CLNK: variants seen among roughly 807,000 people sequenced by gnomAD.
CLNK encodes cytokine dependent hematopoietic cell linker, also known as cytokine-dependent hematopoietic cell linker.
In CLNK, 74 loss-of-function variants were observed where a neutral mutation model predicts 68.6. That is an observed-to-expected ratio of 1.08 (90% CI 0.89 to 1.31). CLNK has a LOEUF of 1.31. Ranked by LOEUF, CLNK falls within the 50% of genes most tolerant of loss-of-function variation. The pLI is 0.00. For synonymous variants in CLNK, 198 were observed against 172.2 expected (o/e 1.15, Z -1.17); for missense variants, 553 against 515.3 (o/e 1.07, Z -0.71).
At chr4:10,645,611 T>C (rs1723476067) in intron 2 of CLNK, among the ~76,000 whole-genome samples, 1 of 152,094 alleles carries the variant, frequency 6.6e-6, no homozygotes. Context: ...CCATAATATA[T>C]GTACCAGGTA....
intron 8 of CLNK, among the ~76,000 whole-genome samples, chr4:10,553,457 AT>A (rs112540905): frequency 0.053 from 7,849 of 149,212 alleles, 245 homozygotes; most frequent in Middle Eastern, 0.1. Flanking sequence ...TTTTTATTTT[AT>A]TTTTTTTTTC....
chr4:10,618,376 T>A (rs559238674), intron 2 of CLNK, among the ~76,000 whole-genome samples: 3 of 152,286 alleles, frequency 2.0e-5, no homozygotes, highest in East Asian at 3.9e-4. Flanking sequence ...GGTGGGGGAC[T>A]GGGATCAACC....
chr4:10,584,215 T>C (rs1720891319), intron 4 of CLNK, among the ~76,000 whole-genome samples: 1 of 152,200 alleles, frequency 6.6e-6, no homozygotes, highest in South Asian at 2.1e-4. Context: ...ACATGCTGAG[T>C]GCTGGTTTTG....
the CLNK span, among the ~76,000 whole-genome samples, chr4:10,705,873 G>T: frequency 1.3e-5 from 2 of 152,192 alleles, no homozygotes; most frequent in Admixed American, 6.5e-5. Context: ...ATCTAAATCG[G>T]GTAAAGAGCA....
intron 2 of CLNK, among the ~76,000 whole-genome samples, chr4:10,657,846 A>T (rs1331430162): frequency 1.3e-5 from 2 of 152,224 alleles, no homozygotes; most frequent in Non-Finnish European, 2.9e-5. Flanking sequence ...GATATGAAAA[A>T]TCAAATTCCA....
intron 4 of CLNK, among the ~76,000 whole-genome samples, chr4:10,575,486 G>A (rs545763709): frequency 6.6e-6 from 1 of 152,374 alleles, no homozygotes; most frequent in Admixed American, 6.5e-5. Flanking sequence ...CTCCAGCGCT[G>A]TTCCTCACCA....
At chr4:10,565,894 TG>T in intron 6 of CLNK, 114 bp downstream of exon 6, 5 of 1,115,026 alleles carry the variant, frequency 4.5e-6, no homozygotes, top group Non-Finnish European at 5.0e-6. Flanking sequence ...TAGTAAGTCA[TG>T]GGGGCAGACG....
chr4:10,622,492 G>C (rs1246500040), intron 2 of CLNK, among the ~76,000 whole-genome samples: 9 of 152,218 alleles, frequency 5.9e-5, no homozygotes, highest in African/African-American at 1.9e-4. Context: ...TGAAAGCCCT[G>C]ACCAAGGAAA....
chr4:10,672,093 C>A (rs1158342021), intron 1 of CLNK, among the ~76,000 whole-genome samples: 2 of 152,124 alleles, frequency 1.3e-5, no homozygotes, highest in South Asian at 4.2e-4. Flanking sequence ...CCTAAAAAAA[C>A]CACCTAAAGT....
intron 2 of CLNK, among the ~76,000 whole-genome samples, chr4:10,616,241 G>A (rs756204306): frequency 2.0e-5 from 3 of 152,138 alleles, no homozygotes; most frequent in Admixed American, 1.3e-4. Context: ...GCAGCTGGAC[G>A]TTGGCCATAG....
chr4:10,558,242 A>G (rs1346012535), intron 8 of CLNK, among the ~76,000 whole-genome samples, 165 bp downstream of exon 8: 1 of 152,240 alleles, frequency 6.6e-6, no homozygotes, highest in Non-Finnish European at 1.5e-5. Flanking sequence ...GGCATAAAGT[A>G]TGTGAGACTC....
intron 1 of CLNK, among the ~76,000 whole-genome samples, chr4:10,675,010 CA>C (rs1369470165): frequency 6.6e-6 from 1 of 151,978 alleles, no homozygotes; most frequent in Non-Finnish European, 1.5e-5. Context: ...AGCATTAGGA[CA>C]AATACCTAAT....
chr4:10,635,497 T>C (rs905447122), intron 2 of CLNK, among the ~76,000 whole-genome samples: 1 of 152,132 alleles, frequency 6.6e-6, no homozygotes, highest in Non-Finnish European at 1.5e-5. Flanking sequence ...CCCAGTGATA[T>C]ATACTTAGAT....
chr4:10,493,133 A>G (rs550334856), intron 18 of CLNK, among the ~76,000 whole-genome samples: 1 of 152,326 alleles, frequency 6.6e-6, no homozygotes, highest in East Asian at 1.9e-4. Flanking sequence ...CCTGGCCAAC[A>G]TAGTGAAATC....
At chr4:10,711,503 C>A in the CLNK span, among the ~76,000 whole-genome samples, 1 of 152,120 alleles carries the variant, frequency 6.6e-6, no homozygotes, top group Non-Finnish European at 1.5e-5. Flanking sequence ...GTCTTAGAAA[C>A]ACATAGTGTT....
the CLNK span, among the ~76,000 whole-genome samples, chr4:10,702,816 C>T: frequency 6.6e-6 from 1 of 152,088 alleles, no homozygotes; most frequent in Non-Finnish European, 1.5e-5. Context: ...GCTTATTAAA[C>T]AAGTAAAATA....
Position 10,646,207 on chromosome 4 carries a change from T to C in CLNK, c.11+21652A>G, listed in dbSNP as rs373110407. Among the ~76,000 whole-genome samples the C allele has an allele frequency of 1.2e-4, 18 of 152,302 alleles. 1 individual carries two copies. The highest frequency in any genetic ancestry group is 3.4e-3 in the Middle Eastern group (1 of 294). ...TATACCTGTATCAAAATATCACCCA[T>C]ACTCTCAAAATATGTAAAATTATTA... On this transcript the variant is annotated intron_variant, in intron 2 of 18. Coordinates refer to ENST00000226951, the MANE Select transcript of CLNK (RefSeq NM_052964.4).
At chr4:10,565,462 G>C (rs1720069100) in intron 6 of CLNK, among the ~76,000 whole-genome samples, 1 of 152,228 alleles carries the variant, frequency 6.6e-6, no homozygotes, top group African/African-American at 2.4e-5. Context: ...GCCACAGTTA[G>C]AGACAGAGGT....
chr4:10,632,467 A>G (rs1722930270), intron 2 of CLNK, among the ~76,000 whole-genome samples: 1 of 152,250 alleles, frequency 6.6e-6, no homozygotes, highest in African/African-American at 2.4e-5. Context: ...ATCAGACTAT[A>G]CAACTTTCAT....
Sources: allele counts gnomAD v4.1 joint callset (sites outside exome capture counted in the v4.1 genomes callset), GRCh38; gene constraint gnomAD v4.1.1; transcripts MANE v1.5; gene names NCBI Gene and HGNC (gene_info 2026-07-23, HGNC 2026-07-21).